The following SGMS1 variants were observed in gnomAD, a reference collection of about 807,000 sequenced individuals.
SGMS1 encodes sphingomyelin synthase 1.
SGMS1 carries 13 observed loss-of-function variants against 46.2 expected under a neutral mutation model. The observed-to-expected ratio is 0.28, with a 90% CI of 0.18 to 0.45. SGMS1 has a LOEUF of 0.45. Ranked by LOEUF, SGMS1 falls within the 20% of genes least tolerant of loss-of-function variation. SGMS1 has a pLI of 1.00. For synonymous variants in SGMS1, 203 were observed against 187.8 expected, an observed-to-expected ratio of 1.08 and a Z score of -0.66; for missense variants, 324 against 519.9, an observed-to-expected ratio of 0.62 and a Z score of 3.66.
chr10:50,578,197 T>C (rs1253228515), intron 2 of SGMS1, among the ~76,000 whole-genome samples: 9 of 152,354 alleles, frequency 5.9e-5, no homozygotes, highest in African/African-American at 2.2e-4. Flanking sequence ...TGGTCTGAGC[T>C]TGAATGCTTT....
chr10:50,349,430 T>A (rs1255683728), intron 6 of SGMS1, among the ~76,000 whole-genome samples: 1 of 152,242 alleles, frequency 6.6e-6, no homozygotes, highest in Non-Finnish European at 1.5e-5. Flanking sequence ...CCAGGGAGCC[T>A]GCGTTTGAGA....
chr10:50,550,890 T>C (rs924958901), intron 2 of SGMS1, among the ~76,000 whole-genome samples: 2 of 152,194 alleles, frequency 1.3e-5, no homozygotes, highest in African/African-American at 4.8e-5. Flanking sequence ...TAATGTAGTA[T>C]TGCATTATAA....
At chr10:50,314,293 T>C (rs148167973) in intron 8 of SGMS1, among the ~76,000 whole-genome samples, 129 of 151,990 alleles carry the variant, frequency 8.5e-4, no homozygotes, top group African/African-American at 2.8e-3. Context: ...CTTGTTTAAA[T>C]GGAGGGGATG....
chr10:50,461,754 G>C (rs542584954), intron 4 of SGMS1, among the ~76,000 whole-genome samples: 1 of 152,014 alleles, frequency 6.6e-6, no homozygotes, highest in African/African-American at 2.4e-5. Flanking sequence ...CAACTAACAG[G>C]CTTAATTCTA....
chr10:50,323,307 T>C (rs1186446308), intron 8 of SGMS1, among the ~76,000 whole-genome samples: 2 of 152,302 alleles, frequency 1.3e-5, no homozygotes, highest in Middle Eastern at 3.4e-3. Context: ...TACAGCATTT[T>C]AATGGCATAG....
At chr10:50,315,748 C>A (rs1035429919) in intron 8 of SGMS1, among the ~76,000 whole-genome samples, 1 of 152,160 alleles carries the variant, frequency 6.6e-6, no homozygotes, top group African/African-American at 2.4e-5. Flanking sequence ...GACATAAAAA[C>A]TTTCAGTGGA....
upstream of SGMS1, chr10:50,624,808 T>A: frequency 9.1e-6 from 9 of 986,514 alleles, no homozygotes; most frequent in Non-Finnish European, 9.6e-6. Context: ...CCGCCGTCCC[T>A]GGCCGGCCCG....
intron 8 of SGMS1, among the ~76,000 whole-genome samples, chr10:50,314,088 C>T (rs1847301380): frequency 6.6e-6 from 1 of 151,856 alleles, no homozygotes; most frequent in Non-Finnish European, 1.5e-5. Flanking sequence ...ACAGAGAAAT[C>T]AAGTAAAATA....
chr10:50,471,969 C>A (rs1203380), intron 3 of SGMS1, among the ~76,000 whole-genome samples: 113,394 of 152,098 alleles, frequency 0.75, 42,707 homozygotes, highest in Non-Finnish European at 0.8. Context: ...GACATTGGTT[C>A]GCACCCAGTA....
chr10:50,410,562 C>T (rs1849081592), intron 6 of SGMS1, among the ~76,000 whole-genome samples: 1 of 152,144 alleles, frequency 6.6e-6, no homozygotes, highest in Non-Finnish European at 1.5e-5. Flanking sequence ...GGCCAAATTA[C>T]CATGAGAAGG....
intron 9 of SGMS1, among the ~76,000 whole-genome samples, chr10:50,309,450 C>T (rs149565169): frequency 1.5e-4 from 23 of 152,284 alleles, no homozygotes; most frequent in Non-Finnish European, 2.2e-4. Flanking sequence ...ATAGTACCAA[C>T]GCCTCTGCCT....
intron 7 of SGMS1, among the ~76,000 whole-genome samples, chr10:50,330,326 C>CAAAA: frequency 1.6e-5 from 2 of 122,750 alleles, no homozygotes; most frequent in Admixed American, 8.7e-5. Flanking sequence ...AACAAACAAA[C>CAAAA]AAAAAAACAT....
At chr10:50,349,294 C>T (rs190305908) in intron 6 of SGMS1, among the ~76,000 whole-genome samples, 50 of 152,338 alleles carry the variant, frequency 3.3e-4, no homozygotes, top group East Asian at 9.6e-4. Flanking sequence ...AAAGCCTTAG[C>T]TGTCTACTCC....
At chr10:50,561,747 G>T (rs1381320772) in intron 2 of SGMS1, among the ~76,000 whole-genome samples, 1 of 152,154 alleles carries the variant, frequency 6.6e-6, no homozygotes, top group African/African-American at 2.4e-5. Flanking sequence ...GAACTGAAAG[G>T]TGGAAGGAAG....
At chr10:50,393,171 T>A (rs1457974394) in intron 6 of SGMS1, among the ~76,000 whole-genome samples, 2 of 152,152 alleles carry the variant, frequency 1.3e-5, no homozygotes, top group Non-Finnish European at 2.9e-5. Context: ...TTATTAATAA[T>A]CTACCCATGC....
intron 7 of SGMS1, 188 bp downstream of exon 7, chr10:50,343,304 A>AAC: frequency 1.7e-6 from 1 of 581,344 alleles, no homozygotes; most frequent in Non-Finnish European, 2.8e-6. Flanking sequence ...TAAAACAGGC[A>AAC]ACAAACAACA....
intron 3 of SGMS1, among the ~76,000 whole-genome samples, chr10:50,485,031 G>A (rs1404119024): frequency 6.6e-6 from 1 of 152,114 alleles, no homozygotes; most frequent in Non-Finnish European, 1.5e-5. Context: ...ACATAGTATT[G>A]GAAGTTCTGG....
At chr10:50,585,868 A>G (rs1838478666) in intron 2 of SGMS1, among the ~76,000 whole-genome samples, 1 of 152,254 alleles carries the variant, frequency 6.6e-6, no homozygotes, top group Non-Finnish European at 1.5e-5. Flanking sequence ...GAATGAGAAC[A>G]TTAACACTAA....
chr10:50,441,823 T>G (rs1849550145), intron 5 of SGMS1, among the ~76,000 whole-genome samples: 1 of 152,270 alleles, frequency 6.6e-6, no homozygotes, highest in Non-Finnish European at 1.5e-5. Flanking sequence ...ATTTCAGTAT[T>G]GCACATTATC....
Sources: allele counts gnomAD v4.1 joint callset (sites outside exome capture counted in the v4.1 genomes callset), GRCh38; gene constraint gnomAD v4.1.1; transcripts MANE v1.5; gene names NCBI Gene and HGNC (gene_info 2026-07-23, HGNC 2026-07-21).